The following MCU variants were observed in gnomAD, a reference collection of about 807,000 sequenced individuals.
The protein encoded by MCU is mitochondrial calcium uniporter.
Under a neutral mutation model 45.2 loss-of-function variants are expected in MCU, and 12 were observed. The observed-to-expected ratio is 0.27, with a 90% CI of 0.17 to 0.43. The LOEUF (loss-of-function observed/expected upper bound fraction) is 0.43, where lower values mean the gene tolerates loss of function less well. Ranked by LOEUF, MCU falls within the 20% of genes least tolerant of loss-of-function variation. The pLI, the probability that MCU is intolerant of heterozygous loss-of-function variation, is 1.00. For missense variants in MCU, 324 were observed against 436.7 expected (o/e 0.74, Z 2.30); for synonymous variants, 160 against 165.1 (o/e 0.97, Z 0.24).
chr10:72,847,210 A>C (rs1351894578), intron 2 of MCU, among the ~76,000 whole-genome samples: 1 of 152,130 alleles, frequency 6.6e-6, no homozygotes, highest in Admixed American at 6.5e-5. Flanking sequence ...CCTGACCTCA[A>C]GTAATCTGCC....
Position 72,772,595 on chromosome 10 carries a change from C to A in MCU, c.151-61764C>A, listed in dbSNP as rs894101675. ...ACCTGTAATCCCAGCTACTCAGGAG[C>A]CTGAGGCACGAGAATTGCTTGAACC... On this transcript the variant is annotated intron_variant, in intron 1 of 7. Transcript: ENST00000373053. 2.0e-5 allele frequency among the ~76,000 whole-genome samples: 3 copies of A among 152,062 alleles called. No homozygotes were observed. The East Asian group carries it at 5.8e-4, about 30-fold the overall frequency.
In MCU at chr10:72,887,591, A is replaced by G. The variant is rs1348123942; in HGVS notation, c.*1769A>G. On this transcript the variant is annotated 3_prime_UTR_variant, in exon 8 of 8. Transcript: ENST00000373053. ...GGACATGGAGAAAAGTTCTTTAAAC[A>G]AATAGCAAACTATTGAACATGTGTA... 6.5e-6 allele frequency: 1 copy of G among 152,774 alleles called. No homozygotes were observed. The highest frequency in any genetic ancestry group is 1.5e-5 in the Non-Finnish European group (1 of 68,052). 9.5% of individuals were successfully genotyped at this position (152,774 alleles called of 1,614,324 possible). A position where few individuals can be genotyped will look rare whatever the true frequency, so the allele number is the denominator to read the frequency against.
intron 1 of MCU, among the ~76,000 whole-genome samples, chr10:72,826,484 A>G (rs1291169212): frequency 2.0e-5 from 3 of 152,186 alleles, no homozygotes; most frequent in African/African-American, 2.4e-5. Flanking sequence ...TATAGATGCA[A>G]CTATTTCCCC....
At chr10:72,710,275 T>TA (rs1842875160) in intron 1 of MCU, among the ~76,000 whole-genome samples, 1 of 152,136 alleles carries the variant, frequency 6.6e-6, no homozygotes, top group Admixed American at 6.6e-5. Context: ...AGCGCCTGGT[T>TA]AATGGCTTTC....
intron 1 of MCU, among the ~76,000 whole-genome samples, chr10:72,796,015 GC>G (rs1287607735): frequency 6.6e-6 from 1 of 151,694 alleles, no homozygotes; most frequent in Non-Finnish European, 1.5e-5. Flanking sequence ...AAAAAAATAT[GC>G]CACTCTGTAA....
intron 1 of MCU, among the ~76,000 whole-genome samples, chr10:72,693,825 T>G (rs1842654884): frequency 6.6e-6 from 1 of 152,258 alleles, no homozygotes; most frequent in African/African-American, 2.4e-5. Context: ...AAATTTTGAT[T>G]GCATTCCCCT....
At chr10:72,694,649 G>T (rs1842664475) in intron 1 of MCU, among the ~76,000 whole-genome samples, 2 of 152,186 alleles carry the variant, frequency 1.3e-5, no homozygotes. Context: ...AATCTTGCTT[G>T]GGAGACATCC....
chr10:72,796,818 T>C (rs1283603005), intron 1 of MCU, among the ~76,000 whole-genome samples: 1 of 151,666 alleles, frequency 6.6e-6, no homozygotes, highest in Non-Finnish European at 1.5e-5. Flanking sequence ...ATTTAACAGA[T>C]AAATTTAAAT....
rs115856995 is a variant in MCU at position 72,815,503 on chromosome 10, G to A, written c.151-18856G>A. On this transcript the variant is annotated intron_variant, in intron 1 of 7. Transcript: ENST00000373053. ...AATGGATAAAGAATTTGGTGGACATGTAGGTAGTGGGATGGGGGACAGAAC... is the reference window on the plus strand; with the variant it reads ...AATGGATAAAGAATTTGGTGGACATATAGGTAGTGGGATGGGGGACAGAAC... 3.0e-3 allele frequency among the ~76,000 whole-genome samples: 453 copies of A among 152,336 alleles called. 4 individuals are homozygous for A. Among genetic ancestry groups the A allele is most frequent in the African/African-American group, 0.01 (425 of 41,570 alleles).
intron 2 of MCU, among the ~76,000 whole-genome samples, chr10:72,839,597 C>G (rs1457484373): frequency 6.6e-6 from 1 of 151,892 alleles, no homozygotes; most frequent in African/African-American, 2.4e-5. Flanking sequence ...GGAAATATCA[C>G]ATTTCTTTAT....
At chr10:72,866,882 C>A (rs1460141232) in intron 4 of MCU, among the ~76,000 whole-genome samples, 1 of 151,906 alleles carries the variant, frequency 6.6e-6, no homozygotes, top group African/African-American at 2.4e-5. Context: ...CAAGTTACTT[C>A]AGCCTCCTAG....
intron 1 of MCU, among the ~76,000 whole-genome samples, chr10:72,787,271 G>GT (rs1444500966): frequency 2.0e-5 from 3 of 152,038 alleles, no homozygotes; most frequent in African/African-American, 7.2e-5. Flanking sequence ...CTGAGTTTTT[G>GT]TTTCGTTTGT....
chr10:72,866,616 C>T lies in MCU; in HGVS notation c.497-2087C>T, dbSNP rs1160293082. 3.3e-5 allele frequency among the ~76,000 whole-genome samples: 5 copies of T among 151,898 alleles called. No individual in the cohort carries two copies. In the East Asian group the frequency reaches 5.8e-4, roughly 18 times the overall value. On this transcript the variant is annotated intron_variant, in intron 4 of 7. Transcript: ENST00000373053. ...TTCATCATGTTGGCCGAGCTGGTCT[C>T]GAACTCCTGACCTCGTGATTCGTCC...
At chr10:72,863,468 A>C (rs1845409307) in intron 4 of MCU, among the ~76,000 whole-genome samples, 1 of 152,218 alleles carries the variant, frequency 6.6e-6, no homozygotes, top group South Asian at 2.1e-4. Flanking sequence ...CCTTAAATAG[A>C]ATGGAAAGAT....
At chr10:72,872,113 C>T (rs1427432033) in intron 6 of MCU, among the ~76,000 whole-genome samples, 2 of 152,110 alleles carry the variant, frequency 1.3e-5, no homozygotes, top group Admixed American at 1.3e-4. Flanking sequence ...TACCTAATTA[C>T]TTAATACTCA....
At chr10:72,734,183 C>T (rs1843219597) in intron 1 of MCU, among the ~76,000 whole-genome samples, 1 of 152,100 alleles carries the variant, frequency 6.6e-6, no homozygotes, top group African/African-American at 2.4e-5. Flanking sequence ...GAGTTTGAGG[C>T]TGCAGTGAGC....
intron 1 of MCU, among the ~76,000 whole-genome samples, chr10:72,710,505 A>G (rs1327727049): frequency 2.0e-5 from 3 of 151,376 alleles, no homozygotes; most frequent in Non-Finnish European, 4.4e-5. Flanking sequence ...GAATGCTGTC[A>G]AAGGAGCTCA....
intron 4 of MCU, among the ~76,000 whole-genome samples, chr10:72,865,840 A>G (rs1463347181): frequency 1.3e-5 from 2 of 148,540 alleles, no homozygotes; most frequent in Admixed American, 6.8e-5. Flanking sequence ...GCAGTGGTGC[A>G]ATCTTGGCTC....
chr10:72,839,020 C>T (rs940281402), intron 2 of MCU, among the ~76,000 whole-genome samples: 21 of 151,512 alleles, frequency 1.4e-4, no homozygotes, highest in African/African-American at 3.9e-4. Flanking sequence ...GACGGAGTCC[C>T]GCTCCATCAC....
Sources: allele counts gnomAD v4.1 joint callset (sites outside exome capture counted in the v4.1 genomes callset), GRCh38; gene constraint gnomAD v4.1.1; transcripts MANE v1.5; gene names NCBI Gene and HGNC (gene_info 2026-07-23, HGNC 2026-07-21).